MMS22L: variants seen among roughly 807,000 people sequenced by gnomAD.
The protein encoded by MMS22L is protein MMS22-like.
Under a neutral mutation model 159.1 loss-of-function variants are expected in MMS22L, and 74 were observed. The observed-to-expected ratio is 0.47, with a 90% CI of 0.39 to 0.56. The LOEUF is 0.56. Among genes scored for constraint, MMS22L ranks in the 20% least tolerant of loss-of-function variants. MMS22L has a pLI of 0.00. For synonymous variants in MMS22L, 517 were observed against 506.9 expected, an observed-to-expected ratio of 1.02 and a Z score of -0.27; for missense variants, 1,351 against 1,422.1, an observed-to-expected ratio of 0.95 and a Z score of 0.80.
chr6:97,231,513 T>C lies in MMS22L; in HGVS notation c.1442A>G (p.Tyr481Cys), dbSNP rs1473191763. 3 of 1,613,768 alleles carry C rather than the reference T, an allele frequency of 1.9e-6. No homozygotes were observed. The highest frequency in any genetic ancestry group is 1.7e-5 in the Admixed American group (1 of 59,990). Residue 481 changes from tyrosine to cysteine, a missense_variant, in exon 13 of 25, where the codon TAT (tyrosine) becomes TGT (cysteine). Physicochemically the swap from Tyr to Cys is radical, Grantham distance 194. Transcript: ENST00000683635. ...TGCCAGAATACAAAGAAAAATAGTA[T>C]AACTACTGCTGGATTTATATAGTTC... ...DQELYKSSSSYTIFLCILAKV... is the reference protein window; with the variant it reads ...DQELYKSSSSCTIFLCILAKV...
chr6:97,283,359 T>G (rs1816946603), upstream of MMS22L: 1 of 149,984 alleles, frequency 6.7e-6, no homozygotes, highest in Non-Finnish European at 1.5e-5. Context: ...TACCTTTAAT[T>G]GGTGCGTTCG....
Position 97,151,780 on chromosome 6 carries a change from G to A in MMS22L, c.3473C>T (p.Ser1158Phe), listed in dbSNP as rs1247956264. 2 of 1,613,374 alleles carry A rather than the reference G, an allele frequency of 1.2e-6. No homozygotes were observed. Reference sequence around the variant, plus strand: ...CATATTTTCCAGTTACCTAAACACAGAAGTCAGCTGGGAGGAAGGTTCTTC... The same window carrying A: ...CATATTTTCCAGTTACCTAAACACAAAAGTCAGCTGGGAGGAAGGTTCTTC... The part of the protein sequence containing the change: ...SEEEPSSQLT[S>F]VFRQFIQDYG... Residue 1158 changes from serine to phenylalanine, a missense_variant, in exon 23 of 25, where the codon TCT becomes TTT. By Grantham distance (155) the Ser-to-Phe change is radical (BLOSUM62 -2). Transcript: ENST00000683635.
At chr6:97,169,841 C>T (rs1488483141) in intron 19 of MMS22L, among the ~76,000 whole-genome samples, 1 of 152,036 alleles carries the variant, frequency 6.6e-6, no homozygotes, top group African/African-American at 2.4e-5. Context: ...AGGTATGTTT[C>T]ACTTTCTACA....
chr6:97,257,445 T>A (rs1813943506), intron 9 of MMS22L, among the ~76,000 whole-genome samples: 1 of 152,150 alleles, frequency 6.6e-6, no homozygotes, highest in African/African-American at 2.4e-5. Context: ...TTGTCTGACA[T>A]TACACATTTT....
chr6:97,251,456 C>A (rs1221568094), intron 10 of MMS22L, among the ~76,000 whole-genome samples: 1 of 152,156 alleles, frequency 6.6e-6, no homozygotes, highest in Non-Finnish European at 1.5e-5. Flanking sequence ...AACTAGAGAG[C>A]TTTTCTTTAA....
intron 10 of MMS22L, among the ~76,000 whole-genome samples, 156 bp from the exon 11 acceptor site, chr6:97,246,846 T>A (rs974558013): frequency 3.9e-5 from 6 of 152,190 alleles, no homozygotes; most frequent in African/African-American, 1.4e-4. Flanking sequence ...GGTAAAGAGT[T>A]AACAAACTTG....
intron 12 of MMS22L, among the ~76,000 whole-genome samples, chr6:97,233,178 A>G (rs187153468): frequency 6.6e-6 from 1 of 152,200 alleles, no homozygotes; most frequent in Non-Finnish European, 1.5e-5. Flanking sequence ...TTCATAGCCT[A>G]GCCCCAGACT....
chr6:97,154,450 T>C (rs951202162), intron 22 of MMS22L, among the ~76,000 whole-genome samples: 1 of 152,184 alleles, frequency 6.6e-6, no homozygotes, highest in Admixed American at 6.5e-5. Flanking sequence ...CAAAAGCTCC[T>C]AATTCTTGAT....
chr6:97,162,882 C>T (rs888523233), intron 21 of MMS22L, among the ~76,000 whole-genome samples: 3 of 151,926 alleles, frequency 2.0e-5, no homozygotes, highest in Non-Finnish European at 4.4e-5. Context: ...GTTGGAATTG[C>T]TTAGTTTCTA....
At chr6:97,267,611 T>C (rs901301148) in intron 8 of MMS22L, 3 of 211,936 alleles carry the variant, frequency 1.4e-5, no homozygotes, top group Non-Finnish European at 2.7e-5. Flanking sequence ...TATTTATTTA[T>C]TTTTGTCAAA....
chr6:97,216,091 C>T (rs1345333765), intron 14 of MMS22L, among the ~76,000 whole-genome samples: 3 of 152,058 alleles, frequency 2.0e-5, no homozygotes, highest in African/African-American at 4.8e-5. Flanking sequence ...TTCCACAAGG[C>T]GGATGAAGAA....
At position 97,264,419 on chromosome 6, in the gene MMS22L, CTA is replaced by C. The variant is rs1294203811; in HGVS notation, c.829-973_829-972del. ...CCCTAGATAATGCACAGAATGTACA[CTA>C]TATTTGCAAATATAGCTAGGCTTCT... On this transcript the variant is annotated intron_variant, in intron 8 of 24. Transcript: ENST00000683635. The C allele has an allele frequency of 2.6e-5, 4 of 151,802 alleles. No individual in the cohort carries two copies. The East Asian group carries it at 7.7e-4, about 29-fold the overall frequency. 9.4% of individuals were successfully genotyped at this position (151,802 alleles called of 1,614,324 possible). A position where few individuals can be genotyped will look rare whatever the true frequency, so the allele number is the denominator to read the frequency against.
chr6:97,203,803 T>C (rs1258120612), intron 14 of MMS22L, among the ~76,000 whole-genome samples: 3 of 152,250 alleles, frequency 2.0e-5, no homozygotes, highest in African/African-American at 4.8e-5. Context: ...AATATAATGA[T>C]TGTATGCCAA....
Position 97,277,708 on chromosome 6 carries a change from C to T in MMS22L, c.340+1141G>A, listed in dbSNP as rs185061263. ...TCAAATTGCCCCTGCTAATTAACAG[C>T]ATCCAATCCAGAATATAGCCTTATC... is the stretch of plus-strand genomic sequence containing the variant. On this transcript the variant is annotated intron_variant, in intron 4 of 24. Coordinates refer to ENST00000683635, the MANE Select transcript of MMS22L (RefSeq NM_001350599.2). 5.7e-4 allele frequency among the ~76,000 whole-genome samples: 87 copies of T among 152,246 alleles called. 2 individuals are homozygous for T. Among genetic ancestry groups the T allele is most frequent in the Admixed American group, 3.1e-3 (47 of 15,300 alleles).
intron 24 of MMS22L, among the ~76,000 whole-genome samples, 167 bp from the exon 25 acceptor site, chr6:97,147,054 G>GT (rs1404201233): frequency 3.9e-5 from 6 of 152,054 alleles, no homozygotes; most frequent in African/African-American, 1.2e-4. Context: ...TATATCTATT[G>GT]TGAGTAAACC....
intron 3 of MMS22L, 56 bp from the exon 4 acceptor site, chr6:97,278,954 C>A: frequency 6.9e-7 from 1 of 1,444,160 alleles, no homozygotes; most frequent in African/African-American, 1.4e-5. Flanking sequence ...AAGCATGTAA[C>A]AATTACGTGG....
chr6:97,192,389 T>C (rs1805978609), intron 14 of MMS22L, among the ~76,000 whole-genome samples: 1 of 152,164 alleles, frequency 6.6e-6, no homozygotes, highest in Admixed American at 6.5e-5. Context: ...AAAGATCAGC[T>C]TGTGACTCTG....
chr6:97,246,070 TA>T (rs891166755), intron 11 of MMS22L: 48 of 353,830 alleles, frequency 1.4e-4, no homozygotes, highest in African/African-American at 9.3e-4. Flanking sequence ...ACAATATGTT[TA>T]AAAATGTGAT....
At chr6:97,168,288 G>A in intron 19 of MMS22L, 48 bp from the exon 20 acceptor site, 1 of 1,545,712 alleles carries the variant, frequency 6.5e-7, no homozygotes, top group Non-Finnish European at 8.8e-7. Flanking sequence ...CCTCTGACCA[G>A]AACATTTTGT....
Sources: gnomAD v4.1 joint callset for allele counts (sites outside exome capture counted in the v4.1 genomes callset) on GRCh38, gnomAD v4.1.1 for gene constraint, MANE v1.5 for transcripts, NCBI Gene and HGNC (gene_info 2026-07-23, HGNC 2026-07-21) for gene names.